RORA: variants seen among roughly 807,000 people sequenced by gnomAD.
The protein encoded by RORA is RAR related orphan receptor A, also known as nuclear receptor ROR-alpha.
A neutral mutation model predicts 69.5 loss-of-function variants in RORA; 7 were observed. The observed-to-expected ratio is 0.10, with a 90% CI of 0.06 to 0.19. RORA has a LOEUF of 0.19. Ranked by LOEUF, RORA falls within the 10% of genes least tolerant of loss-of-function variation. The pLI is 1.00. For synonymous variants in RORA, 261 were observed against 240.8 expected (o/e 1.08, Z -0.78); for missense variants, 457 against 663.0 (o/e 0.69, Z 3.41).
At chr15:61,176,395 C>T (rs1293063703) in intron 1 of RORA, 1 of 152,208 alleles carries the variant, frequency 6.6e-6, no homozygotes, top group Non-Finnish European at 1.5e-5. Context: ...AGATCACTTG[C>T]TTTTCAGAGA....
At chr15:60,499,753 A>G (rs2065272578) in intron 10 of RORA, 139 bp downstream of exon 10, 1 of 531,590 alleles carries the variant, frequency 1.9e-6, no homozygotes, top group African/African-American at 2.0e-5. Context: ...TTTGAAATGG[A>G]AATTTATTTC....
intron 2 of RORA, among the ~76,000 whole-genome samples, chr15:60,625,823 G>T: frequency 6.6e-6 from 1 of 152,194 alleles, no homozygotes; most frequent in East Asian, 1.9e-4. Context: ...TAAGGCATAA[G>T]GCTTACACCT....
rs2078170647 is a variant in RORA, at chr15:61,060,633, G to A, written c.166+168420C>T. On this transcript the variant is annotated intron_variant, in intron 1 of 10. Coordinates refer to ENST00000335670, the MANE Select transcript of RORA (RefSeq NM_134261.3). The stretch of plus-strand genomic sequence containing the variant: ...TGGGGTGAGGTTCTAGCTTTCTCAT[G>A]CCAAGGACTCTTGGGGAAGGCAGTT... Among the ~76,000 whole-genome samples the A allele has an allele frequency of 3.9e-5, 6 of 152,160 alleles. No homozygotes were observed. The South Asian group carries it at 1.2e-3, about 32-fold the overall frequency.
intron 1 of RORA, among the ~76,000 whole-genome samples, chr15:60,969,447 G>A (rs1159073666): frequency 6.6e-6 from 1 of 152,168 alleles, no homozygotes; most frequent in Admixed American, 6.5e-5. Flanking sequence ...CTAATGTGCA[G>A]CCATGCTTAA....
chr15:61,180,143 C>CAAAAAAAAAA (rs71456351), intron 1 of RORA, among the ~76,000 whole-genome samples: 5 of 36,684 alleles, frequency 1.4e-4, no homozygotes, highest in Non-Finnish European at 2.1e-4. Flanking sequence ...GACTCCATCT[C>CAAAAAAAAAA]AAAAAAAAAA....
At chr15:60,776,492 G>C (rs997063981) in intron 1 of RORA, among the ~76,000 whole-genome samples, 5 of 152,232 alleles carry the variant, frequency 3.3e-5, no homozygotes, top group African/African-American at 1.2e-4. Context: ...GAGAAAGAAA[G>C]GAAGGAGCAT....
intron 1 of RORA, among the ~76,000 whole-genome samples, chr15:60,742,677 C>T (rs909498179): frequency 1.1e-4 from 16 of 152,156 alleles, no homozygotes; most frequent in African/African-American, 3.9e-4. Context: ...CTCCTCTTTG[C>T]TTCTATGAGT....
chr15:60,864,918 C>T (rs1387416499), intron 1 of RORA, among the ~76,000 whole-genome samples: 1 of 152,206 alleles, frequency 6.6e-6, no homozygotes, highest in Non-Finnish European at 1.5e-5. Context: ...ATTTGTTCCA[C>T]ATTTGGTATT....
intron 1 of RORA, among the ~76,000 whole-genome samples, chr15:61,144,854 G>T (rs899317082): frequency 6.6e-6 from 1 of 152,098 alleles, no homozygotes; most frequent in African/African-American, 2.4e-5. Flanking sequence ...TGGCTACTTT[G>T]GGGGAGTATG....
intron 1 of RORA, among the ~76,000 whole-genome samples, chr15:60,835,137 C>A (rs1368063733): frequency 6.6e-6 from 1 of 152,248 alleles, no homozygotes; most frequent in East Asian, 1.9e-4. Flanking sequence ...AGAGACACCC[C>A]AGTCACTTCA....
intron 2 of RORA, among the ~76,000 whole-genome samples, chr15:60,623,574 C>T (rs772861391): frequency 4.6e-5 from 7 of 152,000 alleles, no homozygotes; most frequent in Non-Finnish European, 1.0e-4. Flanking sequence ...GAACTAAGGC[C>T]CAGCTAGTCA....
At chr15:60,895,670 A>T (rs1423678416) in intron 1 of RORA, among the ~76,000 whole-genome samples, 6 of 152,214 alleles carry the variant, frequency 3.9e-5, no homozygotes, top group Non-Finnish European at 8.8e-5. Flanking sequence ...CATTCATGGC[A>T]AAGTCAGTGG....
intron 1 of RORA, among the ~76,000 whole-genome samples, chr15:60,701,901 C>T (rs905730788): frequency 6.6e-6 from 1 of 152,326 alleles, no homozygotes; most frequent in African/African-American, 2.4e-5. Context: ...TGTAAGACAA[C>T]AGCAACTTCT....
At chr15:60,921,194 G>C (rs1049192524) in intron 1 of RORA, among the ~76,000 whole-genome samples, 3 of 152,170 alleles carry the variant, frequency 2.0e-5, no homozygotes, top group African/African-American at 7.2e-5. Context: ...ATATCCAACA[G>C]AAATCCATAC....
chr15:60,947,705 AAAAAAAT>A (rs1398023488), intron 1 of RORA, among the ~76,000 whole-genome samples: 9 of 151,336 alleles, frequency 5.9e-5, no homozygotes, highest in South Asian at 2.1e-4. Context: ...AAAAAAAAAA[AAAAAAAT>A]GAAACAAAAA....
intron 4 of RORA, among the ~76,000 whole-genome samples, chr15:60,513,887 C>T (rs1331588912): frequency 1.3e-5 from 2 of 152,338 alleles, no homozygotes; most frequent in East Asian, 3.9e-4. Flanking sequence ...AGAGAGCCAG[C>T]TGGTATATTT....
rs1340221832 is a variant in RORA, at chr15:60,905,344, T to C, written c.167-226658A>G. The stretch of plus-strand genomic sequence containing the variant: ...GTTATATGAGTGCAAAGCATGATGA[T>C]AAAATATGCAATTCTTAAGAAATGT... On this transcript the variant is annotated intron_variant, in intron 1 of 10. Transcript: ENST00000335670. This position sits in a 1 kb window ranked among gnomAD's most constrained non-coding sequence, Gnocchi z 4.8. Among the ~76,000 whole-genome samples the C allele has an allele frequency of 6.6e-6, 1 of 152,218 alleles. No individual in the cohort carries two copies. The highest frequency in any genetic ancestry group is 2.4e-5 in the African/African-American group (1 of 41,450).
intron 2 of RORA, among the ~76,000 whole-genome samples, chr15:60,652,730 A>C (rs1480762632): frequency 2.6e-5 from 4 of 152,240 alleles, no homozygotes; most frequent in Non-Finnish European, 5.9e-5. Context: ...CATTTCCATC[A>C]AGTGCACAGA....
chr15:61,143,809 T>C (rs1045211857), intron 1 of RORA, among the ~76,000 whole-genome samples: 22 of 152,104 alleles, frequency 1.4e-4, no homozygotes, highest in Non-Finnish European at 8.8e-5. Flanking sequence ...ATAAAGATCT[T>C]AGCGGAAACA....
Sources: gnomAD v4.1 joint callset for allele counts (sites outside exome capture counted in the v4.1 genomes callset) on GRCh38, gnomAD v4.1.1 for gene constraint, Gnocchi (gnomAD v3.1) non-coding constraint, MANE v1.5 for transcripts, NCBI Gene and HGNC (gene_info 2026-07-23, HGNC 2026-07-21) for gene names.